Variants in MYO3B observed in about 807,000 individuals in gnomAD.
MYO3B encodes myosin-IIIb.
A neutral mutation model predicts 174.6 loss-of-function variants in MYO3B; 156 were observed. The observed-to-expected ratio is 0.89, with a 90% CI of 0.78 to 1.02. The LOEUF is 1.02. Ranked by LOEUF, MYO3B falls within the 50% of genes least tolerant of loss-of-function variation. The pLI is 0.00. For missense variants in MYO3B, 1,632 were observed against 1,639.4 expected (o/e 1.00, Z 0.08); for synonymous variants, 563 against 569.1 (o/e 0.99, Z 0.15).
At chr2:170,636,258 A>G (rs1194645319) in intron 32 of MYO3B, among the ~76,000 whole-genome samples, 1 of 152,196 alleles carries the variant, frequency 6.6e-6, no homozygotes, top group Non-Finnish European at 1.5e-5. Context: ...GGCCAGAAAC[A>G]GGCCTAGAAA....
chr2:170,189,924 A>C (rs2092518413), intron 1 of MYO3B, among the ~76,000 whole-genome samples: 1 of 152,096 alleles, frequency 6.6e-6, no homozygotes, highest in South Asian at 2.1e-4. Context: ...TTAAAGAGTT[A>C]GGTATTTACT....
Position 170,200,269 on chromosome 2 carries a change from G to A in MYO3B, c.306G>A (p.Leu102=), listed in dbSNP as rs868255067. The change falls in exon 3 of 35, where the codon CTG becomes CTA. Residue 102 remains leucine, a synonymous_variant. Coordinates refer to ENST00000408978, the MANE Select transcript of MYO3B (RefSeq NM_138995.5). ...YKADHCVGGQ[L]WLVLELCNGG... ...CGGATCACTGTGTAGGGGGACAGCT[G>A]TGGCTGGTCCTGGAGGTAAGAGGCT... The A allele has an allele frequency of 6.2e-7, 1 of 1,611,936 alleles. No homozygotes were observed. Among genetic ancestry groups the A allele is most frequent in the South Asian group, 1.1e-5 (1 of 90,824 alleles).
At chr2:170,549,837 C>T (rs1296083278) in intron 32 of MYO3B, among the ~76,000 whole-genome samples, 1 of 152,224 alleles carries the variant, frequency 6.6e-6, no homozygotes, top group African/African-American at 2.4e-5. Flanking sequence ...AACAGAATCA[C>T]TTCACACTGG....
At chr2:170,630,205 A>T (rs999474038) in intron 32 of MYO3B, among the ~76,000 whole-genome samples, 7 of 152,282 alleles carry the variant, frequency 4.6e-5, no homozygotes, top group African/African-American at 1.4e-4. Context: ...CTCCACCTAA[A>T]CGTGGCACTT....
chr2:170,645,213 G>A (rs887626552), intron 32 of MYO3B, among the ~76,000 whole-genome samples: 4 of 152,164 alleles, frequency 2.6e-5, no homozygotes, highest in African/African-American at 9.7e-5. Flanking sequence ...GCTCACGCCT[G>A]TAATCCCAAC....
In MYO3B at chr2:170,200,208, C is replaced by A. The variant is rs1239232336; in HGVS notation, c.245C>A (p.Pro82His). 2 of 1,613,372 alleles carry A rather than the reference C, an allele frequency of 1.2e-6. No individual in the cohort carries two copies. The highest frequency in any genetic ancestry group is 1.7e-5 in the Admixed American group (1 of 59,950). Residue 82 changes from proline to histidine, a missense_variant, in exon 3 of 35, where the codon CCC (proline) becomes CAC (histidine). Transcript: ENST00000408978. ...YNILQFLPNHPNVVKFYGMFY... is the reference protein window; with the variant it reads ...YNILQFLPNHHNVVKFYGMFY... Reference sequence around the variant, plus strand: ...ATTTTGCAGTTCCTTCCTAATCATCCCAATGTTGTAAAGTTTTATGGGATG... The same window carrying A: ...ATTTTGCAGTTCCTTCCTAATCATCACAATGTTGTAAAGTTTTATGGGATG...
At position 170,521,580 on chromosome 2, in the gene MYO3B, TC is replaced by T. The variant is rs369315701; in HGVS notation, c.3575+2043del. Among the ~76,000 whole-genome samples the T allele has an allele frequency of 5.1e-3, 778 of 152,200 alleles. 4 individuals carry two copies. The highest frequency in any genetic ancestry group is 0.017 in the African/African-American group (719 of 41,514). On this transcript the variant is annotated intron_variant, in intron 30 of 34. Transcript: ENST00000408978. ...CTTCGGCTGTCCTTCCTTCCTTTGC[TC>T]CCATCTCACAGACCCCAGATCCTCT...
intron 32 of MYO3B, among the ~76,000 whole-genome samples, chr2:170,557,933 C>T (rs1691439623): frequency 1.3e-5 from 2 of 152,092 alleles, no homozygotes; most frequent in Admixed American, 6.5e-5. Flanking sequence ...GCACCCCCAG[C>T]CCCCATCCTT....
At chr2:170,567,101 A>G (rs2106267404) in intron 32 of MYO3B, among the ~76,000 whole-genome samples, 1 of 152,322 alleles carries the variant, frequency 6.6e-6, no homozygotes, top group South Asian at 2.1e-4. Context: ...TTTGAGCTGT[A>G]TTTATTGCAT....
Position 170,255,723 on chromosome 2 carries a change from C to T in MYO3B, c.749+19587C>T, listed in dbSNP as rs1269105966. Reference sequence around the variant, plus strand: ...AGATGAGAAGCAATCAGCCAAAGAGCTCCGGCAATTCAAGAAATCAGAGTG... The same window carrying T: ...AGATGAGAAGCAATCAGCCAAAGAGTTCCGGCAATTCAAGAAATCAGAGTG... On this transcript the variant is annotated intron_variant, in intron 7 of 34. Transcript: ENST00000408978. Among the ~76,000 whole-genome samples, 6 of 152,176 alleles carry T rather than the reference C, an allele frequency of 3.9e-5. No individual in the cohort carries two copies. In the East Asian group the frequency reaches 1.2e-3, roughly 29 times the overall value.
At chr2:170,644,398 T>C (rs1698215240) in intron 32 of MYO3B, 1 of 152,184 alleles carries the variant, frequency 6.6e-6, no homozygotes, top group Non-Finnish European at 1.5e-5. Flanking sequence ...ATGATTCTCC[T>C]GCTTCAGCCT....
intron 7 of MYO3B, among the ~76,000 whole-genome samples, chr2:170,294,738 A>G (rs1290439518): frequency 6.6e-6 from 1 of 152,146 alleles, no homozygotes; most frequent in African/African-American, 2.4e-5. Flanking sequence ...AAATTTGTCT[A>G]AACCCATAGA....
At chr2:170,182,258 T>C (rs76076845) in intron 1 of MYO3B, among the ~76,000 whole-genome samples, 1 of 152,098 alleles carries the variant, frequency 6.6e-6, no homozygotes, top group Non-Finnish European at 1.5e-5. Flanking sequence ...TATATTTTTT[T>C]AAAAAATTTT....
At chr2:170,429,461 C>G (rs759839787) in intron 22 of MYO3B, among the ~76,000 whole-genome samples, 1 of 152,176 alleles carries the variant, frequency 6.6e-6, no homozygotes, top group African/African-American at 2.4e-5. Flanking sequence ...CTTAGCAAAG[C>G]CTTCTTCCCC....
At chr2:170,603,855 T>A (rs1694659718) in intron 32 of MYO3B, among the ~76,000 whole-genome samples, 1 of 152,234 alleles carries the variant, frequency 6.6e-6, no homozygotes, top group Admixed American at 6.5e-5. Flanking sequence ...ATAACAATGT[T>A]GTGATCAACA....
chr2:170,341,271 G>A (rs1018650945), intron 8 of MYO3B: 15 of 152,146 alleles, frequency 9.9e-5, no homozygotes, highest in African/African-American at 3.6e-4. Context: ...TCTCCATTTT[G>A]TGTTTCAAGG....
chr2:170,638,298 G>A (rs1697691856), intron 32 of MYO3B, among the ~76,000 whole-genome samples: 1 of 152,186 alleles, frequency 6.6e-6, no homozygotes, highest in African/African-American at 2.4e-5. Flanking sequence ...AAAGGCTGAG[G>A]TGAGGTTTTA....
At chr2:170,344,488 G>A (rs1406999543) in intron 8 of MYO3B, 2 of 119,414 alleles carry the variant, frequency 1.7e-5, no homozygotes, top group Non-Finnish European at 3.5e-5. Flanking sequence ...GGGGGGCGGG[G>A]CGGGGCGGGA....
Position 170,642,649 on chromosome 2 carries a change from A to AT in MYO3B, c.3734-8975dup, listed in dbSNP as rs1240429064. Among the ~76,000 whole-genome samples the AT allele has an allele frequency of 2.6e-5, 4 of 152,130 alleles. No homozygotes were observed. In the East Asian group the frequency reaches 7.7e-4, roughly 29 times the overall value. ...TAGAGGCCATGACCTAGGCCCTGGGATTTTGAATCAAGAATCTTGAGTTAT... is the reference window on the plus strand; with the variant it reads ...TAGAGGCCATGACCTAGGCCCTGGGATTTTTGAATCAAGAATCTTGAGTTAT... On this transcript the variant is annotated intron_variant, in intron 32 of 34. Transcript: ENST00000408978.
Sources: gnomAD v4.1 joint callset for allele counts (sites outside exome capture counted in the v4.1 genomes callset) on GRCh38, gnomAD v4.1.1 for gene constraint, MANE v1.5 for transcripts, NCBI Gene and HGNC (gene_info 2026-07-23, HGNC 2026-07-21) for gene names.